The following ULK2 variants were observed in gnomAD, a reference collection of about 807,000 sequenced individuals.
ULK2 encodes unc-51 like autophagy activating kinase 2.
ULK2 carries 76 observed loss-of-function variants against 127.5 expected under a neutral mutation model. The observed-to-expected ratio is 0.60, with a 90% CI of 0.50 to 0.72. The LOEUF (loss-of-function observed/expected upper bound fraction) is 0.72, where lower values mean the gene tolerates loss of function less well. Ranked by LOEUF, ULK2 falls within the 30% of genes least tolerant of loss-of-function variation. The probability of loss-of-function intolerance (pLI) is 0.00; values close to 1 mark genes in which losing one functional copy is unlikely to be tolerated. For synonymous variants in ULK2, 452 were observed against 461.9 expected (o/e 0.98, Z 0.28); for missense variants, 1,144 against 1,295.9 (o/e 0.88, Z 1.80).
intron 26 of ULK2, among the ~76,000 whole-genome samples, chr17:19,777,373 G>A (rs1269107633): frequency 6.6e-6 from 1 of 152,192 alleles, no homozygotes; most frequent in East Asian, 1.9e-4. Flanking sequence ...CCAAAGTGCT[G>A]GGATTACAGG....
rs554760249 is a variant in ULK2 at position 19,811,940 on chromosome 17, C to A, written c.1097-1502G>T. ...TGTTGTAATTTTGAAACTATAGAGG[C>A]AACGGGACAGAAAAGAGAAGAGCCT... On this transcript the variant is annotated intron_variant, in intron 13 of 26. Transcript: ENST00000395544. Among the ~76,000 whole-genome samples the A allele has an allele frequency of 1.6e-3, 239 of 152,134 alleles. 1 individual carries two copies. Among genetic ancestry groups the A allele is most frequent in the African/African-American group, 5.5e-3 (228 of 41,474 alleles).
chr17:19,828,101 T>A (rs1307064423), intron 10 of ULK2, among the ~76,000 whole-genome samples: 1 of 152,060 alleles, frequency 6.6e-6, no homozygotes, highest in Non-Finnish European at 1.5e-5. Context: ...CAGAAGGCAG[T>A]GGGATATTAT....
chr17:19,801,201 G>A (rs573060711), intron 16 of ULK2, among the ~76,000 whole-genome samples: 1 of 152,314 alleles, frequency 6.6e-6, no homozygotes, highest in South Asian at 2.1e-4. Flanking sequence ...TCCCAAAGGA[G>A]ATGCTTTTTA....
At chr17:19,865,252 T>C (rs2152404184) in intron 2 of ULK2, among the ~76,000 whole-genome samples, 1 of 152,144 alleles carries the variant, frequency 6.6e-6, no homozygotes, top group East Asian at 1.9e-4. Context: ...ATTTAGTAAA[T>C]GGGGTTTTCC....
At chr17:19,866,273 TC>T (rs1367643272) in intron 1 of ULK2, among the ~76,000 whole-genome samples, 1 of 151,680 alleles carries the variant, frequency 6.6e-6, no homozygotes, top group East Asian at 1.9e-4. Context: ...GGCGGGCAGA[TC>T]GGATCACCTG....
intron 10 of ULK2, among the ~76,000 whole-genome samples, chr17:19,834,852 G>A (rs959612572): frequency 1.3e-5 from 2 of 151,648 alleles, no homozygotes; most frequent in Non-Finnish European, 2.9e-5. Flanking sequence ...CAAGGCTGCA[G>A]TGAGGCTTGT....
chr17:19,822,328 G>T (rs147115852), intron 12 of ULK2, among the ~76,000 whole-genome samples: 359 of 152,078 alleles, frequency 2.4e-3, no homozygotes, highest in African/African-American at 8.3e-3. Context: ...GACATAAAAA[G>T]GATATGTTTA....
intron 17 of ULK2, among the ~76,000 whole-genome samples, chr17:19,798,387 C>T (rs145866595): frequency 1.3e-5 from 2 of 152,160 alleles, no homozygotes; most frequent in African/African-American, 4.8e-5. Flanking sequence ...CTGTTTCCCC[C>T]CTACAAACCT....
intron 6 of ULK2, among the ~76,000 whole-genome samples, 186 bp downstream of exon 6, chr17:19,846,551 A>G (rs1333795973): frequency 6.6e-6 from 1 of 151,854 alleles, no homozygotes; most frequent in African/African-American, 2.4e-5. Context: ...GAAGCAGGAG[A>G]ATCGCTTGAA....
intron 25 of ULK2, among the ~76,000 whole-genome samples, chr17:19,778,718 T>G (rs918692465): frequency 1.3e-5 from 2 of 152,150 alleles, no homozygotes; most frequent in Admixed American, 1.3e-4. Flanking sequence ...GCCTCCTGAG[T>G]AGCTGGGACT....
chr17:19,773,136 G>A lies in ULK2; in HGVS notation c.*3213C>T, dbSNP rs2086759550. 1 of 152,186 alleles carries A rather than the reference G, an allele frequency of 6.6e-6. No homozygotes were observed. The highest frequency in any genetic ancestry group is 1.5e-5 in the Non-Finnish European group (1 of 68,068). The allele number at this position is 152,186 out of a possible 1,614,324, so 9.4% of individuals were successfully genotyped here. A position where few individuals can be genotyped will look rare whatever the true frequency, so the allele number is the denominator to read the frequency against. On this transcript the variant is annotated 3_prime_UTR_variant, in exon 27 of 27. Coordinates refer to ENST00000395544, the MANE Select transcript of ULK2 (RefSeq NM_014683.4). ...CACTAAAAATACGAAAAATAGCTGA[G>A]CGTGGTGGCGCATGTCTGTAATCCT...
chr17:19,791,844 CAAAAAAAAAAAAAA>C (rs58434256), intron 20 of ULK2, among the ~76,000 whole-genome samples: 1 of 48,254 alleles, frequency 2.1e-5, no homozygotes, highest in Non-Finnish European at 4.9e-5. Context: ...ACCCTGTTTA[CAAAAAAAAAAAAAA>C]AAAAAAAAAA....
chr17:19,784,131 T>G (rs1017708574), intron 21 of ULK2: 1 of 374,838 alleles, frequency 2.7e-6, no homozygotes, highest in Non-Finnish European at 4.7e-6. Flanking sequence ...TCAGAGCTAG[T>G]TTTTTTATAC....
intron 8 of ULK2, among the ~76,000 whole-genome samples, chr17:19,842,180 TTTTC>T (rs1350936582): frequency 3.4e-5 from 5 of 148,694 alleles, no homozygotes; most frequent in South Asian, 2.1e-4. Context: ...GTGTCACTAA[TTTTC>T]TTTTTCTTTT....
intron 12 of ULK2, among the ~76,000 whole-genome samples, chr17:19,818,646 A>G (rs1194733171): frequency 1.3e-5 from 2 of 152,062 alleles, no homozygotes; most frequent in Non-Finnish European, 2.9e-5. Flanking sequence ...CCAGTGGCCT[A>G]GAACAACTCC....
In ULK2 at chr17:19,810,461, C is replaced by T. The variant is rs778236340; in HGVS notation, c.1097-23G>A. Reference sequence around the variant, plus strand: ...CACCTAAAGGAGAGAAAAGAACAATCAGTTCCTGTTATACCATCTGCTTAA... The same window carrying T: ...CACCTAAAGGAGAGAAAAGAACAATTAGTTCCTGTTATACCATCTGCTTAA... On this transcript the variant is annotated intron_variant, in intron 13 of 26. Transcript: ENST00000395544. 3 of 1,520,676 alleles carry T rather than the reference C, an allele frequency of 2.0e-6. No homozygotes were observed. The South Asian group carries it at 3.6e-5, about 18-fold the overall frequency. The allele number at this position is 1,520,676 out of a possible 1,614,324, so 94.2% of individuals were successfully genotyped here. A position where few individuals can be genotyped will look rare whatever the true frequency, so the allele number is the denominator to read the frequency against.
chr17:19,792,455 G>A (rs1285467424), intron 20 of ULK2, among the ~76,000 whole-genome samples: 1 of 152,202 alleles, frequency 6.6e-6, no homozygotes, highest in Non-Finnish European at 1.5e-5. Context: ...TGATGATGCA[G>A]CAAGACTGTC....
At chr17:19,782,123 C>T (rs2086932632) in intron 22 of ULK2, 56 bp from the exon 23 acceptor site, 1 of 1,511,446 alleles carries the variant, frequency 6.6e-7, no homozygotes, top group African/African-American at 1.4e-5. Context: ...CGTACATACT[C>T]ATTTCTGTAC....
chr17:19,814,439 T>TATATATATATATACACATATATA, intron 13 of ULK2, among the ~76,000 whole-genome samples: 1 of 9,992 alleles, frequency 1.0e-4, no homozygotes, highest in African/African-American at 2.1e-4. Flanking sequence ...TATATATATA[T>TATATATATATATACACATATATA]TTTTTTTTTT....
Sources: allele counts gnomAD v4.1 joint callset (sites outside exome capture counted in the v4.1 genomes callset), GRCh38; gene constraint gnomAD v4.1.1; transcripts MANE v1.5; gene names NCBI Gene and HGNC (gene_info 2026-07-23, HGNC 2026-07-21).